Variants in COLGALT2 observed in about 807,000 individuals in gnomAD.
COLGALT2 encodes collagen beta(1-O)galactosyltransferase 2.
In COLGALT2, 49 loss-of-function variants were observed where a neutral mutation model predicts 73.4. That is an observed-to-expected ratio of 0.67 (90% CI 0.53 to 0.85). The LOEUF is 0.85. Among genes scored for constraint, COLGALT2 ranks in the 40% least tolerant of loss-of-function variants. The probability of loss-of-function intolerance (pLI) is 0.00; values close to 1 mark genes in which losing one functional copy is unlikely to be tolerated. For synonymous variants in COLGALT2, 295 were observed against 307.6 expected, an observed-to-expected ratio of 0.96 and a Z score of 0.43; for missense variants, 722 against 790.2, an observed-to-expected ratio of 0.91 and a Z score of 1.03.
chr1:183,930,589 T>A (rs945293940), intron 11 of COLGALT2, among the ~76,000 whole-genome samples: 45 of 147,028 alleles, frequency 3.1e-4, no homozygotes, highest in East Asian at 1.4e-3. Context: ...TTTTTTTTTT[T>A]TGTATTTTTT....
chr1:183,973,472 C>T, intron 4 of COLGALT2, 144 bp downstream of exon 4: 1 of 1,002,772 alleles, frequency 1.0e-6, no homozygotes, highest in South Asian at 1.5e-5. Flanking sequence ...ATTTACTGCC[C>T]TTCCTAAAAA....
intron 4 of COLGALT2, among the ~76,000 whole-genome samples, chr1:183,972,913 A>C (rs897896866): frequency 6.6e-6 from 1 of 152,094 alleles, no homozygotes; most frequent in South Asian, 2.1e-4. Flanking sequence ...GTTAGCCAGG[A>C]TGGTCTCAAT....
intron 5 of COLGALT2, among the ~76,000 whole-genome samples, chr1:183,965,790 G>GAAAATT (rs3032459): frequency 0.61 from 91,806 of 151,310 alleles, 28,020 homozygotes; most frequent in East Asian, 0.84. Flanking sequence ...TGCCTCCAAA[G>GAAAATT]AATGGCAAAG....
chr1:184,004,632 G>A (rs1439633168), intron 1 of COLGALT2, among the ~76,000 whole-genome samples: 3 of 152,162 alleles, frequency 2.0e-5, no homozygotes, highest in Non-Finnish European at 4.4e-5. Flanking sequence ...AACTGGCACT[G>A]TAGATGATTT....
chr1:184,037,405 G>T lies in COLGALT2; in HGVS notation c.-48C>A. On this transcript the variant is annotated 5_prime_UTR_variant, in exon 1 of 12. Coordinates refer to ENST00000361927, the MANE Select transcript of COLGALT2 (RefSeq NM_015101.4). ...GGGGAAGTCCTGGCGCGAGCGCCCG[G>T]CTGGGCTGCCTGAGGGCGGCGGCGG... 1 of 1,310,082 alleles carries T rather than the reference G, an allele frequency of 7.6e-7. No individual in the cohort carries two copies. The highest frequency in any genetic ancestry group is 9.7e-7 in the Non-Finnish European group (1 of 1,033,222). 81.2% of individuals were successfully genotyped at this position (1,310,082 alleles called of 1,614,324 possible). A position where few individuals can be genotyped will look rare whatever the true frequency, so the allele number is the denominator to read the frequency against.
intron 6 of COLGALT2, among the ~76,000 whole-genome samples, chr1:183,955,165 G>T (rs1300430122): frequency 6.6e-6 from 1 of 152,210 alleles, no homozygotes; most frequent in African/African-American, 2.4e-5. Context: ...ACCTTGGTTT[G>T]CGAAGGAGTA....
At chr1:184,035,876 A>G (rs1291655967) in intron 1 of COLGALT2, among the ~76,000 whole-genome samples, 1 of 152,198 alleles carries the variant, frequency 6.6e-6, no homozygotes, top group African/African-American at 2.4e-5. Context: ...ATGGCAGGGT[A>G]TATAGTAAAG....
chr1:183,936,622 C>A lies in COLGALT2; in HGVS notation c.*2139G>T. The A allele has an allele frequency of 8.3e-7, 1 of 1,200,622 alleles. No individual in the cohort carries two copies. The highest frequency in any genetic ancestry group is 1.0e-6 in the Non-Finnish European group (1 of 969,024). 74.4% of individuals were successfully genotyped at this position (1,200,622 alleles called of 1,614,324 possible). A position where few individuals can be genotyped will look rare whatever the true frequency, so the allele number is the denominator to read the frequency against. ...CCACCTCCCACCCCATTAAAAAAGT[C>A]ATTAAAGTCATGCACACATGCACAC... On this transcript the variant is annotated 3_prime_UTR_variant, in exon 12 of 12. Transcript: ENST00000361927.
chr1:183,963,327 C>T (rs1670769389), intron 6 of COLGALT2, among the ~76,000 whole-genome samples: 1 of 152,060 alleles, frequency 6.6e-6, no homozygotes. Context: ...TAATAAAAAC[C>T]CTTCATTGAA....
At chr1:184,013,747 AG>A (rs112446020) in intron 1 of COLGALT2, among the ~76,000 whole-genome samples, 14,770 of 151,554 alleles carry the variant, frequency 0.097, 1,787 homozygotes, top group African/African-American at 0.28. Flanking sequence ...AATTGGTGGG[AG>A]GGGGGGTAAA....
At chr1:184,029,068 G>A (rs369121693) in intron 1 of COLGALT2, among the ~76,000 whole-genome samples, 2 of 152,160 alleles carry the variant, frequency 1.3e-5, no homozygotes, top group South Asian at 4.1e-4. Flanking sequence ...GAAAAGAAAC[G>A]CCCTGCAGCC....
At position 183,940,760 on chromosome 1, in the gene COLGALT2, T is replaced by C. The variant is rs905446267; in HGVS notation, c.1425A>G (p.Val475=). ...TGGGCACTGCTTTCTCTGGCTCCTT[T>C]ACTTGCATCCTCTTCCTACCAATAT... is the stretch of plus-strand genomic sequence containing the variant. ...LIYIGRKRMQ[V]KEPEKAVPNV... is the part of the protein sequence containing the mutation. Residue 475 remains valine (V), a synonymous_variant, in exon 11 of 12, where the codon GTA becomes GTG. Coordinates refer to ENST00000361927, the MANE Select transcript of COLGALT2 (RefSeq NM_015101.4). The C allele has an allele frequency of 1.2e-6, 2 of 1,614,242 alleles. No individual in the cohort carries two copies. The highest frequency in any genetic ancestry group is 1.7e-5 in the Admixed American group (1 of 60,028).
At chr1:183,949,399 A>G (rs1161681953) in intron 8 of COLGALT2, among the ~76,000 whole-genome samples, 1 of 152,252 alleles carries the variant, frequency 6.6e-6, no homozygotes, top group Non-Finnish European at 1.5e-5. Context: ...AATCAAATAA[A>G]ATAGAGAGTT....
At chr1:183,930,325 A>G in intron 11 of COLGALT2, 1 of 456,032 alleles carries the variant, frequency 2.2e-6, no homozygotes, top group Non-Finnish European at 4.4e-6. Context: ...AGAAAGAGAG[A>G]TGCTGAAAGG....
chr1:183,983,828 G>T (rs1001390816), intron 1 of COLGALT2, among the ~76,000 whole-genome samples: 1 of 152,180 alleles, frequency 6.6e-6, no homozygotes, highest in East Asian at 1.9e-4. Context: ...ACCAGAAAAG[G>T]CACCCAGAAA....
At position 183,938,645 on chromosome 1, in the gene COLGALT2, G is replaced by T; in HGVS notation, c.*116C>A. On this transcript the variant is annotated 3_prime_UTR_variant, in exon 12 of 12. Transcript: ENST00000361927. ...CTATCACACTAGATCACTTTGGTTA[G>T]ATGACTGTGACCACTAAGAACAAAA... The T allele has an allele frequency of 1.7e-5, 25 of 1,478,170 alleles. No homozygotes were observed. The highest frequency in any genetic ancestry group is 2.2e-5 in the Non-Finnish European group (25 of 1,113,584). The allele number at this position is 1,478,170 out of a possible 1,614,324, so 91.6% of individuals were successfully genotyped here.
At chr1:183,976,771 G>A (rs1201224862) in intron 2 of COLGALT2, among the ~76,000 whole-genome samples, 1 of 152,100 alleles carries the variant, frequency 6.6e-6, no homozygotes, top group African/African-American at 2.4e-5. Flanking sequence ...GGAAAATGTT[G>A]GTTGCGTATA....
chr1:184,021,757 T>C (rs1649189157), intron 1 of COLGALT2, among the ~76,000 whole-genome samples: 1 of 152,222 alleles, frequency 6.6e-6, no homozygotes. Flanking sequence ...AACAAGTTAC[T>C]GGTTTTGTTT....
chr1:184,015,490 A>C (rs774368268), intron 1 of COLGALT2, among the ~76,000 whole-genome samples: 1 of 152,170 alleles, frequency 6.6e-6, no homozygotes, highest in South Asian at 2.1e-4. Context: ...TGAGAGTCCA[A>C]TTCCCGCCAT....
Sources: allele counts gnomAD v4.1 joint callset (sites outside exome capture counted in the v4.1 genomes callset), GRCh38; gene constraint gnomAD v4.1.1; transcripts MANE v1.5; gene names NCBI Gene and HGNC (gene_info 2026-07-23, HGNC 2026-07-21).